Variants in GLIS1 observed in about 807,000 individuals in gnomAD.
GLIS1 encodes the protein zinc finger protein GLIS1.
In GLIS1, 24 loss-of-function variants were observed where a neutral mutation model predicts 63.8. The ratio of observed to expected loss-of-function variants is 0.38; its 90% CI spans 0.27 to 0.53. The LOEUF (loss-of-function observed/expected upper bound fraction) is 0.53, where lower values mean the gene tolerates loss of function less well. GLIS1 is among the 20% of genes least tolerant of loss of function. GLIS1 has a pLI of 0.85. For synonymous variants in GLIS1, 450 were observed against 482.5 expected, an observed-to-expected ratio of 0.93 and a Z score of 0.88; for missense variants, 1,036 against 1,074.1, an observed-to-expected ratio of 0.96 and a Z score of 0.50.
At chr1:53,709,381 TATAC>T (rs1346500587) in intron 2 of GLIS1, among the ~76,000 whole-genome samples, 14 of 41,428 alleles carry the variant, frequency 3.4e-4, no homozygotes, top group African/African-American at 1.4e-3. Flanking sequence ...TATATACATA[TATAC>T]ATATATATAC....
At chr1:53,640,444 T>C (rs1272885755) in intron 2 of GLIS1, among the ~76,000 whole-genome samples, 2 of 152,286 alleles carry the variant, frequency 1.3e-5, no homozygotes, top group Middle Eastern at 6.8e-3. Flanking sequence ...GGCCTGTCCC[T>C]CCCTGGGTCT....
intron 2 of GLIS1, among the ~76,000 whole-genome samples, chr1:53,647,460 A>C (rs1162859561): frequency 6.6e-6 from 1 of 152,242 alleles, no homozygotes; most frequent in African/African-American, 2.4e-5. Context: ...CAACGTGGTC[A>C]ATAGAAGCTG....
Position 53,594,085 on chromosome 1 carries a change from C to A in GLIS1, c.1320+23G>T, listed in dbSNP as rs776603321. On this transcript the variant is annotated intron_variant, in intron 4 of 10. Transcript: ENST00000628545. Reference sequence around the variant, plus strand: ...CTCTGCCAGAGGGGCTGGGGTGAGGCCTGGCGGCCGGTGGGAACTCACCAT... The same window carrying A: ...CTCTGCCAGAGGGGCTGGGGTGAGGACTGGCGGCCGGTGGGAACTCACCAT... The A allele has an allele frequency of 6.3e-6, 10 of 1,581,978 alleles. No individual in the cohort carries two copies. The South Asian group carries it at 9.3e-5, about 15-fold the overall frequency.
chr1:53,555,589 G>T (rs537584500), intron 4 of GLIS1, among the ~76,000 whole-genome samples: 1 of 152,286 alleles, frequency 6.6e-6, no homozygotes, highest in South Asian at 2.1e-4. Flanking sequence ...TAACACAAAG[G>T]ATAAATGCTT....
intron 2 of GLIS1, among the ~76,000 whole-genome samples, chr1:53,669,610 G>A (rs1185302929): frequency 6.6e-6 from 1 of 152,196 alleles, no homozygotes; most frequent in East Asian, 1.9e-4. Context: ...GTCCTTCGGA[G>A]AACAAGCCAG....
chr1:53,515,816 TAAAAAAAAAAAAAAA>T (rs58953406), intron 7 of GLIS1, among the ~76,000 whole-genome samples: 1 of 69,136 alleles, frequency 1.4e-5, no homozygotes, highest in Non-Finnish European at 2.8e-5. Context: ...CTATTTTATC[TAAAAAAAAAAAAAAA>T]AAAAAAAAAA....
At chr1:53,593,187 C>T (rs1569880425) in intron 4 of GLIS1, among the ~76,000 whole-genome samples, 1 of 152,250 alleles carries the variant, frequency 6.6e-6, no homozygotes, top group Non-Finnish European at 1.5e-5. Context: ...TGGGCAGTGG[C>T]CCTGGTGGCC....
intron 2 of GLIS1, among the ~76,000 whole-genome samples, chr1:53,737,366 G>A (rs933843895): frequency 5.9e-5 from 9 of 152,206 alleles, no homozygotes; most frequent in Non-Finnish European, 7.3e-5. Context: ...CTTGACAGAT[G>A]GGGAAACTGA....
At position 53,511,421 on chromosome 1, in the gene GLIS1, C is replaced by G. The variant is rs1644296869; in HGVS notation, c.1884-1394G>C. Among the ~76,000 whole-genome samples, 1 of 152,160 alleles carries G rather than the reference C, an allele frequency of 6.6e-6. No individual in the cohort carries two copies. Among genetic ancestry groups the G allele is most frequent in the Admixed American group, 6.5e-5 (1 of 15,286 alleles). On this transcript the variant is annotated intron_variant, in intron 8 of 10. Transcript: ENST00000628545. The surrounding 1 kb of genome is among the most constrained non-coding windows in gnomAD (Gnocchi z 4.2). ...CTCCGCATCTGTGCTGTGCCAAGTT[C>G]CTCTCTGCTCCCTCCAACGTTGGCA...
chr1:53,735,099 G>A (rs907301719), intron 2 of GLIS1, among the ~76,000 whole-genome samples: 39 of 152,140 alleles, frequency 2.6e-4, no homozygotes, highest in Admixed American at 2.3e-3. Context: ...TGAGGCAGGC[G>A]GCAGAGCATC....
intron 2 of GLIS1, among the ~76,000 whole-genome samples, chr1:53,631,415 C>A (rs957705811): frequency 2.0e-5 from 3 of 152,204 alleles, no homozygotes; most frequent in African/African-American, 7.2e-5. Flanking sequence ...CATCTCTGAG[C>A]AACACCAGAG....
At chr1:53,610,684 C>T (rs3006894) in intron 2 of GLIS1, among the ~76,000 whole-genome samples, 114,571 of 152,018 alleles carry the variant, frequency 0.75, 43,320 homozygotes, top group Middle Eastern at 0.86. Context: ...TTGAGGTTCA[C>T]AGGAATTCTT....
intron 2 of GLIS1, among the ~76,000 whole-genome samples, chr1:53,640,883 G>A (rs1221040661): frequency 6.6e-6 from 1 of 152,108 alleles, no homozygotes; most frequent in Non-Finnish European, 1.5e-5. Context: ...GTCTGGGCTT[G>A]GCTGAGATGC....
At chr1:53,729,719 T>C (rs752431140) in intron 2 of GLIS1, among the ~76,000 whole-genome samples, 1 of 152,200 alleles carries the variant, frequency 6.6e-6, no homozygotes, top group Non-Finnish European at 1.5e-5. Context: ...TTCGAGATAC[T>C]TGAAACTGCA....
chr1:53,556,797 G>A (rs917062264), intron 4 of GLIS1, among the ~76,000 whole-genome samples: 1 of 147,956 alleles, frequency 6.8e-6, no homozygotes, highest in Non-Finnish European at 1.5e-5. Flanking sequence ...GTGTGTATGT[G>A]TGCAGGTATA....
intron 2 of GLIS1, among the ~76,000 whole-genome samples, chr1:53,613,573 A>G (rs1239225031): frequency 6.6e-6 from 1 of 152,246 alleles, no homozygotes; most frequent in African/African-American, 2.4e-5. Flanking sequence ...CCATAATGCA[A>G]TAAGTGTGAC....
intron 9 of GLIS1, 149 bp from the exon 10 acceptor site, chr1:53,509,436 G>C: frequency 2.2e-6 from 2 of 898,684 alleles, no homozygotes; most frequent in Non-Finnish European, 1.6e-6. Context: ...GGGCAGAGGA[G>C]GTGCAGGAGG....
intron 2 of GLIS1, among the ~76,000 whole-genome samples, chr1:53,616,500 T>C (rs1645483998): frequency 6.6e-6 from 1 of 152,120 alleles, no homozygotes; most frequent in African/African-American, 2.4e-5. Flanking sequence ...CCCTCACTGA[T>C]AAAATGCCTT....
intron 7 of GLIS1, among the ~76,000 whole-genome samples, chr1:53,519,871 G>A (rs551678288): frequency 4.1e-4 from 62 of 152,348 alleles, no homozygotes; most frequent in African/African-American, 1.4e-3. Flanking sequence ...GAGCAGAATG[G>A]GCTCTTCTTG....
Sources: gnomAD v4.1 joint callset for allele counts (sites outside exome capture counted in the v4.1 genomes callset) on GRCh38, gnomAD v4.1.1 for gene constraint, Gnocchi (gnomAD v3.1) non-coding constraint, MANE v1.5 for transcripts, NCBI Gene and HGNC (gene_info 2026-07-23, HGNC 2026-07-21) for gene names.